The following ATXN7L3 variants were observed in gnomAD, a reference collection of about 807,000 sequenced individuals.
ATXN7L3 encodes ataxin 7 like 3, also known as ataxin-7-like protein 3.
In ATXN7L3, 6 loss-of-function variants were observed where a neutral mutation model predicts 50.0. The observed-to-expected ratio is 0.12, with a 90% CI of 0.07 to 0.24. The LOEUF is 0.24. Among genes scored for constraint, ATXN7L3 ranks in the 10% least tolerant of loss-of-function variants. The pLI is 1.00. For missense variants in ATXN7L3, 322 were observed against 451.3 expected, an observed-to-expected ratio of 0.71 and a Z score of 2.60; for synonymous variants, 198 against 165.8, an observed-to-expected ratio of 1.19 and a Z score of -1.49.
At chr17:44,194,445 G>A (rs376733587) in intron 12 of ATXN7L3, 34 bp from the exon 13 acceptor site, 1 of 1,613,632 alleles carries the variant, frequency 6.2e-7, no homozygotes, top group Admixed American at 1.7e-5. Context: ...ATGAGAGTAT[G>A]GTTATGGCAG....
chr17:44,198,119 G>A lies in ATXN7L3; in HGVS notation c.-49C>T, dbSNP rs2055988871. On this transcript the variant is annotated 5_prime_UTR_variant, in exon 2 of 13. Coordinates refer to ENST00000587097, the MANE Select transcript of ATXN7L3 (RefSeq NM_001382309.1). ...GCTCTGACTGCTCATAGCACAGCGG[G>A]CGGCAACACGGCTGCACACACGGGG... is the stretch of plus-strand genomic sequence containing the variant. 6.3e-7 allele frequency: 1 copy of A among 1,586,636 alleles called. No individual in the cohort carries two copies. The highest frequency in any genetic ancestry group is 1.3e-5 in the African/African-American group (1 of 74,090).
At chr17:44,197,855 G>T in intron 2 of ATXN7L3, 125 bp from the exon 3 acceptor site, 1 of 1,536,426 alleles carries the variant, frequency 6.5e-7, no homozygotes, top group South Asian at 1.1e-5. Context: ...TCCCCATCTT[G>T]ACTTCGTGTT....
chr17:44,195,315 T>TA, intron 9 of ATXN7L3, 104 bp downstream of exon 9: 1 of 1,393,332 alleles, frequency 7.2e-7, no homozygotes, highest in South Asian at 1.2e-5. Flanking sequence ...GAGAGAACGA[T>TA]ACGGCCCTGA....
rs2055682419 is a variant in ATXN7L3 at position 44,192,050 on chromosome 17, A to G, written c.*2213T>C. The G allele has an allele frequency of 6.6e-6, 1 of 152,444 alleles. No homozygotes were observed. The highest frequency in any genetic ancestry group is 2.1e-4 in the South Asian group (1 of 4,832). 9.4% of individuals were successfully genotyped at this position (152,444 alleles called of 1,614,324 possible). On this transcript the variant is annotated 3_prime_UTR_variant, in exon 13 of 13. Coordinates refer to ENST00000587097, the MANE Select transcript of ATXN7L3 (RefSeq NM_001382309.1). ...TGGAAGGAAAAGCCACCGGCCATGG[A>G]AATTAGTACAGAACCCCCCCACACA...
Position 44,195,502 on chromosome 17 carries a change from G to A in ATXN7L3, c.553-15C>T, listed in dbSNP as rs770242700. On this transcript the variant is annotated splice_polypyrimidine_tract_variant and intron_variant, in intron 8 of 12. Coordinates refer to ENST00000587097, the MANE Select transcript of ATXN7L3 (RefSeq NM_001382309.1). The stretch of plus-strand genomic sequence containing the variant: ...GAATTGTTATACTGCAGGACAACCA[G>A]AGGTACAGGTTAGAGATGGGGCAGA... 6.2e-7 allele frequency: 1 copy of A among 1,611,352 alleles called. No individual in the cohort carries two copies. The highest frequency in any genetic ancestry group is 8.5e-7 in the Non-Finnish European group (1 of 1,177,518).
At chr17:44,194,935 T>C in intron 10 of ATXN7L3, 96 bp from the exon 11 acceptor site, 1 of 1,502,118 alleles carries the variant, frequency 6.7e-7, no homozygotes, top group East Asian at 2.3e-5. Flanking sequence ...AGGGAAGGGG[T>C]GAATGCAGAT....
intron 7 of ATXN7L3, 41 bp downstream of exon 7, chr17:44,195,993 G>A (rs1250543698): frequency 1.3e-6 from 2 of 1,587,276 alleles, no homozygotes; most frequent in East Asian, 2.2e-5. Context: ...AGTCCCAGAA[G>A]ACACAGCTAG....
Position 44,193,907 on chromosome 17 carries a change from A to T in ATXN7L3, c.*356T>A, listed in dbSNP as rs2055786950. On this transcript the variant is annotated 3_prime_UTR_variant, in exon 13 of 13. Transcript: ENST00000587097. ...GCCACATTGCCCCTCAGCAGGGCTT[A>T]GTCCAGTTCCTGGGGTGGGGGGCAG... 4.2e-6 allele frequency: 1 copy of T among 235,472 alleles called. No homozygotes were observed. Among genetic ancestry groups the T allele is most frequent in the African/African-American group, 2.3e-5 (1 of 43,480 alleles). The allele number at this position is 235,472 out of a possible 1,614,324, so 14.6% of individuals were successfully genotyped here.
chr17:44,194,469 C>T (rs2055810222), intron 12 of ATXN7L3, 48 bp downstream of exon 12: 1 of 1,612,982 alleles, frequency 6.2e-7, no homozygotes, highest in African/African-American at 1.3e-5. Context: ...AGGTGGCACC[C>T]CCATGGCTTT....
In ATXN7L3 at chr17:44,196,960, G is replaced by A. The variant is rs2055928067; in HGVS notation, c.423C>T (p.Asp141=). The part of the protein sequence containing the change: ...SDQEDNDDIN[D]NDWSYGSEKK... ...TCTCCGAGCCATAGGACCAGTCGTT[G>A]TCATTGATGTCATCATTATCTTCTT... Residue 141 remains aspartate (D), a synonymous_variant, in exon 5 of 13, where the codon GAC becomes GAT. Transcript: ENST00000587097. 6.2e-7 allele frequency: 1 copy of A among 1,613,588 alleles called. No homozygotes were observed. Among genetic ancestry groups the A allele is most frequent in the African/African-American group, 1.3e-5 (1 of 74,882 alleles).
In ATXN7L3 at chr17:44,191,842, A is replaced by G. The variant is rs2055648608; in HGVS notation, c.*2421T>C. ...ATGCAGTTTATTTACACCAGCAGCCATGGGGGCAGAGGGAATACACAGCGT... is the reference window on the plus strand; with the variant it reads ...ATGCAGTTTATTTACACCAGCAGCCGTGGGGGCAGAGGGAATACACAGCGT... On this transcript the variant is annotated 3_prime_UTR_variant, in exon 13 of 13. Coordinates refer to ENST00000587097, the MANE Select transcript of ATXN7L3 (RefSeq NM_001382309.1). 4 of 580,716 alleles carry G rather than the reference A, an allele frequency of 6.9e-6. No homozygotes were observed. In the South Asian group the frequency reaches 2.3e-4, roughly 33 times the overall value. 36.0% of individuals were successfully genotyped at this position (580,716 alleles called of 1,614,324 possible).
chr17:44,194,433 G>A (rs1429469989), intron 12 of ATXN7L3, 22 bp from the exon 13 acceptor site: 6 of 1,613,826 alleles, frequency 3.7e-6, no homozygotes, highest in East Asian at 4.5e-5. Context: ...GAGACACAAG[G>A]GATGAGAGTA....
rs144158418 is a variant in ATXN7L3 at position 44,198,319 on chromosome 17, G to A, written c.-60-189C>T. 288 of 494,034 alleles carry A rather than the reference G, an allele frequency of 5.8e-4. 1 individual carries two copies. The highest frequency in any genetic ancestry group is 5.1e-3 in the African/African-American group (257 of 50,708). 30.6% of individuals were successfully genotyped at this position (494,034 alleles called of 1,614,324 possible). A position where few individuals can be genotyped will look rare whatever the true frequency, so the allele number is the denominator to read the frequency against. ...CCTAAAGGGGGCCTAGTCTTTCCCA[G>A]GCCTGAGCTCAGGCCCTGGACTCCA... On this transcript the variant is annotated intron_variant, in intron 1 of 12. Coordinates refer to ENST00000587097, the MANE Select transcript of ATXN7L3 (RefSeq NM_001382309.1).
rs1305463580 is a variant in ATXN7L3, at chr17:44,193,842, C to A, written c.*421G>T. ...ATTGCTGAGGGCGGCCGAGGCAGGC[C>A]CCCTCCAGGCTCAGCTTCCAACCCA... On this transcript the variant is annotated 3_prime_UTR_variant, in exon 13 of 13. Transcript: ENST00000587097. 2.1e-5 allele frequency: 4 copies of A among 190,276 alleles called. No individual in the cohort carries two copies. The highest frequency in any genetic ancestry group is 4.4e-5 in the Non-Finnish European group (4 of 91,126). The allele number at this position is 190,276 out of a possible 1,614,324, so 11.8% of individuals were successfully genotyped here.
Position 44,194,397 on chromosome 17 carries a change from C to G in ATXN7L3, c.910G>C (p.Glu304Gln). 1 of 1,614,186 alleles carries G rather than the reference C, an allele frequency of 6.2e-7. No individual in the cohort carries two copies. Among genetic ancestry groups the G allele is most frequent in the Non-Finnish European group, 8.5e-7 (1 of 1,180,024 alleles). The change falls in exon 13 of 13, where the codon GAG (glutamate) becomes CAG (glutamine). Residue 304 changes from glutamate (E) to glutamine (Q), a missense_variant. Physicochemically the swap from Glu to Gln is conservative, Grantham distance 29. Coordinates refer to ENST00000587097, the MANE Select transcript of ATXN7L3 (RefSeq NM_001382309.1). ...TTCTTTTTCTTGGTTTTCCGTGACT[C>G]AGAGCTGTTGGTACCTGTAGAGAAA... Reference protein sequence around the residue: ...QGWGLGTNSSESRKTKKKKSH... With the variant: ...QGWGLGTNSSQSRKTKKKKSH...
At chr17:44,197,088 C>A in intron 4 of ATXN7L3, 62 bp from the exon 5 acceptor site, 2 of 1,554,754 alleles carry the variant, frequency 1.3e-6, no homozygotes, top group South Asian at 1.1e-5. Flanking sequence ...TCAAGGTGGT[C>A]ACCCCGCTCT....
intron 5 of ATXN7L3, 47 bp from the exon 6 acceptor site, chr17:44,196,465 A>C (rs757594424): frequency 6.2e-7 from 1 of 1,612,384 alleles, no homozygotes; most frequent in Non-Finnish European, 8.5e-7. Flanking sequence ...TTAAGTTCTC[A>C]ATCTAAAAGC....
intron 1 of ATXN7L3, 107 bp from the exon 2 acceptor site, chr17:44,198,237 C>T (rs551603136): frequency 1.5e-6 from 1 of 646,092 alleles, no homozygotes; most frequent in South Asian, 1.9e-5. Context: ...GCATCAGGGT[C>T]TCTCCCTCCC....
rs1312674733 is a variant in ATXN7L3 at position 44,194,104 on chromosome 17, C to T, written c.*159G>A. On this transcript the variant is annotated 3_prime_UTR_variant, in exon 13 of 13. Coordinates refer to ENST00000587097, the MANE Select transcript of ATXN7L3 (RefSeq NM_001382309.1). Reference sequence around the variant, plus strand: ...CGTGCTCCATTGCAGAGGACTTTGACACCCCCCAGGGGCGCATAATCGGAT... The same window carrying T: ...CGTGCTCCATTGCAGAGGACTTTGATACCCCCCAGGGGCGCATAATCGGAT... 5 of 938,290 alleles carry T rather than the reference C, an allele frequency of 5.3e-6. No homozygotes were observed. Among genetic ancestry groups the T allele is most frequent in the South Asian group, 1.6e-5 (1 of 61,408 alleles). 58.1% of individuals were successfully genotyped at this position (938,290 alleles called of 1,614,324 possible). A position where few individuals can be genotyped will look rare whatever the true frequency, so the allele number is the denominator to read the frequency against.
Sources: gnomAD v4.1 joint callset for allele counts on GRCh38, gnomAD v4.1.1 for gene constraint, MANE v1.5 for transcripts, NCBI Gene and HGNC (gene_info 2026-07-23, HGNC 2026-07-21) for gene names.